Variants in CCDC91 observed in about 807,000 individuals in gnomAD.
CCDC91 encodes the protein coiled-coil domain containing 91.
Under a neutral mutation model 63.2 loss-of-function variants are expected in CCDC91, and 48 were observed. The observed-to-expected ratio is 0.76, with a 90% CI of 0.60 to 0.97. CCDC91 has a LOEUF of 0.97. Among genes scored for constraint, CCDC91 ranks in the 50% least tolerant of loss-of-function variants. The probability of loss-of-function intolerance (pLI) is 0.00; values close to 1 mark genes in which losing one functional copy is unlikely to be tolerated. For synonymous variants in CCDC91, 167 were observed against 165.8 expected (o/e 1.01, Z -0.06); for missense variants, 500 against 494.6 (o/e 1.01, Z -0.10).
At chr12:28,322,333 A>G (rs1387890855) in intron 6 of CCDC91, among the ~76,000 whole-genome samples, 1 of 151,862 alleles carries the variant, frequency 6.6e-6, no homozygotes, top group African/African-American at 2.4e-5. Context: ...TTTACTGCAT[A>G]GGAATTTGTG....
intron 8 of CCDC91, among the ~76,000 whole-genome samples, chr12:28,416,254 T>G (rs1565938795): frequency 6.6e-6 from 1 of 152,214 alleles, no homozygotes. Flanking sequence ...CTGCACTAGC[T>G]TAGCATTTAT....
intron 8 of CCDC91, among the ~76,000 whole-genome samples, chr12:28,403,988 T>C (rs1946783943): frequency 6.6e-6 from 1 of 152,070 alleles, no homozygotes; most frequent in Non-Finnish European, 1.5e-5. Context: ...TTTGGTTTTA[T>C]TGATTTTTCC....
chr12:28,224,933 A>C (rs978138098), intron 1 of CCDC91, among the ~76,000 whole-genome samples: 3 of 152,166 alleles, frequency 2.0e-5, no homozygotes, highest in Non-Finnish European at 4.4e-5. Flanking sequence ...ACCAGGAATA[A>C]GACTTGAGAG....
intron 3 of CCDC91, among the ~76,000 whole-genome samples, chr12:28,276,895 T>C (rs1284112922): frequency 6.6e-6 from 1 of 152,006 alleles, no homozygotes; most frequent in African/African-American, 2.4e-5. Flanking sequence ...TATACAGTTA[T>C]GTGTGTAATT....
At chr12:28,258,934 A>G (rs947536655) in intron 2 of CCDC91, among the ~76,000 whole-genome samples, 2 of 152,016 alleles carry the variant, frequency 1.3e-5, no homozygotes, top group Non-Finnish European at 2.9e-5. Context: ...GATGAATCCT[A>G]TTTCTTTGAA....
intron 12 of CCDC91, among the ~76,000 whole-genome samples, chr12:28,526,123 C>T (rs1371117243): frequency 6.7e-6 from 1 of 150,136 alleles, no homozygotes; most frequent in Non-Finnish European, 1.5e-5. Flanking sequence ...GGTACTATTC[C>T]ATTCATCATG....
At chr12:28,492,175 T>A (rs1012546527) in intron 12 of CCDC91, among the ~76,000 whole-genome samples, 2 of 151,894 alleles carry the variant, frequency 1.3e-5, no homozygotes, top group African/African-American at 4.8e-5. Flanking sequence ...CTTTTCACTA[T>A]CCCATCTTAA....
At chr12:28,545,963 A>T (rs1394492931) in intron 12 of CCDC91, among the ~76,000 whole-genome samples, 1 of 152,048 alleles carries the variant, frequency 6.6e-6, no homozygotes, top group South Asian at 2.1e-4. Flanking sequence ...ATATTAAGTC[A>T]TATTTGTTTT....
intron 7 of CCDC91, among the ~76,000 whole-genome samples, chr12:28,363,707 C>T (rs1944057975): frequency 6.6e-6 from 1 of 151,808 alleles, no homozygotes; most frequent in Non-Finnish European, 1.5e-5. Flanking sequence ...GAAACCCCGT[C>T]TCTATTAATA....
At chr12:28,193,194 C>G (rs990660514) in intron 1 of CCDC91, among the ~76,000 whole-genome samples, 1 of 152,136 alleles carries the variant, frequency 6.6e-6, no homozygotes, top group Non-Finnish European at 1.5e-5. Context: ...CATTCATGTG[C>G]TGTTCTTTGT....
At chr12:28,502,000 G>A (rs983727639) in intron 12 of CCDC91, among the ~76,000 whole-genome samples, 1 of 152,008 alleles carries the variant, frequency 6.6e-6, no homozygotes, top group African/African-American at 2.4e-5. Context: ...GCATATAGTT[G>A]TTTGTAGTAT....
At chr12:28,533,968 A>T (rs866336069) in intron 12 of CCDC91, among the ~76,000 whole-genome samples, 2 of 152,088 alleles carry the variant, frequency 1.3e-5, no homozygotes, top group African/African-American at 4.8e-5. Context: ...GGTTCTGAAT[A>T]GTCTTTTACT....
intron 11 of CCDC91, among the ~76,000 whole-genome samples, chr12:28,453,167 G>C (rs2140362567): frequency 6.6e-6 from 1 of 151,928 alleles, no homozygotes; most frequent in South Asian, 2.1e-4. Context: ...TGATCAACAG[G>C]CATGACCTAC....
chr12:28,409,556 C>T (rs1295576220), intron 8 of CCDC91, among the ~76,000 whole-genome samples: 1 of 151,986 alleles, frequency 6.6e-6, no homozygotes, highest in Non-Finnish European at 1.5e-5. Flanking sequence ...CTGATTTCTT[C>T]TGAAACCTTT....
chr12:28,469,615 C>T (rs112751485), intron 11 of CCDC91, among the ~76,000 whole-genome samples: 4,403 of 152,070 alleles, frequency 0.029, 102 homozygotes, highest in Middle Eastern at 0.045. Flanking sequence ...TCACAAAAGT[C>T]TCAGAATAGC....
chr12:28,450,364 GTGTT>G lies in CCDC91; in HGVS notation c.873_876del (p.Cys291TrpfsTer12). ...TCATTTGACAGGAAATATTGGAAAA[GTGTT>G]TGGAGGAAGAAAGGCAAAGAAATAA... is the stretch of plus-strand genomic sequence containing the variant. On this transcript the variant is annotated frameshift_variant, in exon 10 of 13. Coordinates refer to ENST00000536442, the MANE Select transcript of CCDC91 (RefSeq NM_018318.5). LOFTEE classifies it high-confidence loss of function. The G allele has an allele frequency of 6.2e-7, 1 of 1,612,072 alleles. No homozygotes were observed. The highest frequency in any genetic ancestry group is 8.5e-7 in the Non-Finnish European group (1 of 1,178,460).
chr12:28,210,436 A>C (rs1304784907), intron 1 of CCDC91, among the ~76,000 whole-genome samples: 1 of 152,170 alleles, frequency 6.6e-6, no homozygotes, highest in African/African-American at 2.4e-5. Context: ...ACACATATAT[A>C]ACTGCACAGA....
intron 7 of CCDC91, among the ~76,000 whole-genome samples, chr12:28,380,176 G>A (rs1475434956): frequency 6.6e-6 from 1 of 152,052 alleles, no homozygotes; most frequent in African/African-American, 2.4e-5. Flanking sequence ...GCCTGTTGGG[G>A]GTTGGGGGGC....
intron 1 of CCDC91, chr12:28,226,339 T>G (rs1565637129): frequency 6.6e-6 from 1 of 152,220 alleles, no homozygotes; most frequent in Non-Finnish European, 1.5e-5. Context: ...TCCACCTCGT[T>G]TCTTTTCCCA....
Sources: gnomAD v4.1 joint callset for allele counts (sites outside exome capture counted in the v4.1 genomes callset) on GRCh38, gnomAD v4.1.1 for gene constraint, MANE v1.5 for transcripts, NCBI Gene and HGNC (gene_info 2026-07-23, HGNC 2026-07-21) for gene names.